The following PLAUR variants were observed in gnomAD, a reference collection of about 807,000 sequenced individuals.
The protein encoded by PLAUR is urokinase plasminogen activator surface receptor.
A neutral mutation model predicts 33.4 loss-of-function variants in PLAUR; 22 were observed. The observed-to-expected ratio is 0.66, with a 90% CI of 0.47 to 0.94. The LOEUF is 0.94. Among genes scored for constraint, PLAUR ranks in the 40% least tolerant of loss-of-function variants. The pLI is 0.00. For missense variants in PLAUR, 408 were observed against 434.7 expected (o/e 0.94, Z 0.55); for synonymous variants, 148 against 167.3 (o/e 0.88, Z 0.89).
chr19:43,661,323 G>GT (rs1001095928), intron 3 of PLAUR: 2 of 152,186 alleles, frequency 1.3e-5, no homozygotes, highest in Non-Finnish European at 2.9e-5. Context: ...AAGCCAGGTT[G>GT]TCTGTGGAAC....
At chr19:43,655,839 A>C (rs1213415079) in intron 4 of PLAUR, among the ~76,000 whole-genome samples, 1 of 152,194 alleles carries the variant, frequency 6.6e-6, no homozygotes, top group Non-Finnish European at 1.5e-5. Flanking sequence ...CAAAAGGAGG[A>C]GTGCCCCCTT....
At chr19:43,666,337 T>C (rs550935709) in intron 2 of PLAUR, among the ~76,000 whole-genome samples, 52 of 152,316 alleles carry the variant, frequency 3.4e-4, no homozygotes, top group African/African-American at 1.2e-3. Context: ...CACATTGGTA[T>C]CTGCAGCTCT....
chr19:43,652,082 T>C (rs1194730029), intron 6 of PLAUR, 143 bp downstream of exon 6: 20 of 1,470,890 alleles, frequency 1.4e-5, no homozygotes, highest in Non-Finnish European at 1.8e-5. Flanking sequence ...TTCCTTACAA[T>C]AATATTCACC....
intron 3 of PLAUR, among the ~76,000 whole-genome samples, chr19:43,658,781 A>T (rs1974313047): frequency 1.3e-5 from 2 of 152,176 alleles, no homozygotes; most frequent in Admixed American, 1.3e-4. Flanking sequence ...AATTAGGCGA[A>T]TCATTTACAT....
At position 43,652,377 on chromosome 19, in the gene PLAUR, G is replaced by A. The variant is rs762750332; in HGVS notation, c.608-6C>T. 2.5e-6 allele frequency: 4 copies of A among 1,613,280 alleles called. No homozygotes were observed. The highest frequency in any genetic ancestry group is 3.3e-5 in the Admixed American group (2 of 59,940). On this transcript the variant is annotated splice_region_variant and splice_polypyrimidine_tract_variant and intron_variant, in intron 5 of 6. Coordinates refer to ENST00000340093, the MANE Select transcript of PLAUR (RefSeq NM_002659.4). ...CAGATTTTCAAGCTCCAGGACTTAG[G>A]AGAAGACCAGAGACACAGAGACCAA...
chr19:43,667,862 C>G, intron 1 of PLAUR, 171 bp from the exon 2 acceptor site: 6 of 1,440,598 alleles, frequency 4.2e-6, no homozygotes, highest in Non-Finnish European at 5.5e-6. Context: ...TGTCCGTTGT[C>G]CACGTTCTAC....
chr19:43,652,413 G>T (rs1476797395), intron 5 of PLAUR, 42 bp from the exon 6 acceptor site: 1 of 1,590,182 alleles, frequency 6.3e-7, no homozygotes, highest in Non-Finnish European at 8.6e-7. Flanking sequence ...GAAAATTAGT[G>T]CTTGGATCTC....
intron 1 of PLAUR, 70 bp from the exon 2 acceptor site, chr19:43,667,761 A>G: frequency 6.4e-7 from 1 of 1,566,854 alleles, no homozygotes. Context: ...TCACCCCTGC[A>G]TGTCCCAATA....
Position 43,649,161 on chromosome 19 carries a change from G to A in PLAUR, c.755-18C>T, listed in dbSNP as rs4251919. ...TTTCGGTTCTGAGGAAAGAGAAGAC[G>A]GAGTGAGACTTCCAGCTCCTGGGCC... On this transcript the variant is annotated intron_variant, in intron 6 of 6. Coordinates refer to ENST00000340093, the MANE Select transcript of PLAUR (RefSeq NM_002659.4). 2,073 of 1,598,012 alleles carry A rather than the reference G, an allele frequency of 1.3e-3. 19 individuals carry two copies. In the African/African-American group the frequency reaches 0.024, roughly 19 times the overall value.
intron 3 of PLAUR, among the ~76,000 whole-genome samples, chr19:43,663,320 C>CACAT (rs1568562276): frequency 2.7e-5 from 4 of 150,150 alleles, no homozygotes; most frequent in Non-Finnish European, 5.9e-5. Flanking sequence ...CACACACACA[C>CACAT]ACACACACAC....
chr19:43,669,558 T>C (rs1014314748), intron 1 of PLAUR, among the ~76,000 whole-genome samples: 87 of 152,080 alleles, frequency 5.7e-4, no homozygotes, highest in African/African-American at 2.1e-3. Context: ...ACGCCTGTAA[T>C]CCCAGCAGTT....
intron 3 of PLAUR, among the ~76,000 whole-genome samples, chr19:43,657,455 C>T (rs113077242): frequency 2.8e-4 from 42 of 152,346 alleles, no homozygotes; most frequent in African/African-American, 9.1e-4. Context: ...CCACAGTCTG[C>T]GACGACACAT....
In PLAUR at chr19:43,667,437, C is replaced by T. The variant is rs4251815; in HGVS notation, c.166+144G>A. The T allele has an allele frequency of 5.0e-3, 3,195 of 636,920 alleles. 78 individuals carry two copies. In the African/African-American group the frequency reaches 0.052, roughly 10 times the overall value. The allele number at this position is 636,920 out of a possible 1,614,324, so 39.5% of individuals were successfully genotyped here. Reference sequence around the variant, plus strand: ...CCGGGTATTGTCAGATTTTTAAATGCTTGCCAATCTGGTGGGTGTGAAATG... The same window carrying T: ...CCGGGTATTGTCAGATTTTTAAATGTTTGCCAATCTGGTGGGTGTGAAATG... On this transcript the variant is annotated intron_variant, in intron 2 of 6. Transcript: ENST00000340093.
intron 2 of PLAUR, among the ~76,000 whole-genome samples, chr19:43,666,399 A>C (rs867541745): frequency 6.6e-6 from 1 of 152,074 alleles, no homozygotes; most frequent in Non-Finnish European, 1.5e-5. Context: ...TTATTACCAC[A>C]GTGTTTCTCT....
rs139632081 is a variant in PLAUR at position 43,653,922 on chromosome 19, G to A, written c.607+1517C>T. ...AGGCGGATCATGAGGTCAGGAGATC[G>A]AGATCATCCTGGCTAACACAGTGAA... On this transcript the variant is annotated intron_variant, in intron 5 of 6. Coordinates refer to ENST00000340093, the MANE Select transcript of PLAUR (RefSeq NM_002659.4). Among the ~76,000 whole-genome samples the A allele has an allele frequency of 3.6e-3, 550 of 151,970 alleles. 8 individuals carry two copies. The highest frequency in any genetic ancestry group is 0.013 in the East Asian group (68 of 5,178).
chr19:43,668,669 CT>C lies in PLAUR; in HGVS notation c.56-979del, dbSNP rs542880396. 3.9e-3 allele frequency among the ~76,000 whole-genome samples: 591 copies of C among 150,716 alleles called. 5 individuals carry two copies. The highest frequency in any genetic ancestry group is 0.014 in the African/African-American group (557 of 40,652). ...CCTCCCCAAGCTTATAACCCCGCCC[CT>C]AGCCCCTCCTTGAGGTTCCAGCCCC... On this transcript the variant is annotated intron_variant, in intron 1 of 6. Transcript: ENST00000340093.
chr19:43,658,833 G>T (rs1974315612), intron 3 of PLAUR, among the ~76,000 whole-genome samples: 1 of 152,124 alleles, frequency 6.6e-6, no homozygotes, highest in African/African-American at 2.4e-5. Context: ...TAACTACAAG[G>T]CCACCCACGT....
chr19:43,652,100 AG>A (rs1319670147), intron 6 of PLAUR, 124 bp downstream of exon 6: 1 of 1,516,624 alleles, frequency 6.6e-7, no homozygotes, highest in South Asian at 1.3e-5. Flanking sequence ...ACCCACCTGA[AG>A]GAAATCCCAC....
At chr19:43,656,927 G>A (rs926223308) in intron 3 of PLAUR, 1 of 227,968 alleles carries the variant, frequency 4.4e-6, no homozygotes, top group Non-Finnish European at 8.4e-6. Context: ...CATGGCCCTA[G>A]AAACATTTCT....
Sources: gnomAD v4.1 joint callset for allele counts (sites outside exome capture counted in the v4.1 genomes callset) on GRCh38, gnomAD v4.1.1 for gene constraint, MANE v1.5 for transcripts, NCBI Gene and HGNC (gene_info 2026-07-23, HGNC 2026-07-21) for gene names.